The following TRAPPC9 variants were observed in gnomAD, a reference collection of about 807,000 sequenced individuals.
TRAPPC9 encodes IKK2 binding protein.
TRAPPC9 carries 83 observed loss-of-function variants against 124.0 expected under a neutral mutation model. That is an observed-to-expected ratio of 0.67 (90% CI 0.56 to 0.80). The LOEUF is 0.80. TRAPPC9 is among the 30% of genes least tolerant of loss of function. The probability of loss-of-function intolerance (pLI) is 0.00; values close to 1 mark genes in which losing one functional copy is unlikely to be tolerated. For missense variants in TRAPPC9, 1,302 were observed against 1,508.3 expected (o/e 0.86, Z 2.27); for synonymous variants, 638 against 617.5 (o/e 1.03, Z -0.49).
chr8:140,126,600 T>C (rs1353982450), intron 17 of TRAPPC9, among the ~76,000 whole-genome samples: 1 of 152,242 alleles, frequency 6.6e-6, no homozygotes, highest in East Asian at 1.9e-4. Flanking sequence ...ACATCATCTG[T>C]CACAACAGCA....
At chr8:140,276,277 A>T (rs565491979) in intron 14 of TRAPPC9, among the ~76,000 whole-genome samples, 9 of 152,368 alleles carry the variant, frequency 5.9e-5, no homozygotes, top group African/African-American at 2.2e-4. Flanking sequence ...CTGCTAACAT[A>T]GAGCTGAGGC....
rs7829110 is a variant in TRAPPC9, at chr8:140,229,257, T to C, written c.2432-7674A>G. ...TTCCGTATGTTTTCTTTTTCTTTTT[T>C]TTTTTTTTTTTTTTTTTTTTTTTTT... On this transcript the variant is annotated intron_variant, in intron 16 of 22. Transcript: ENST00000438773. 7.3e-4 allele frequency among the ~76,000 whole-genome samples: 16 copies of C among 21,844 alleles called. No individual in the cohort carries two copies. In the Admixed American group the frequency reaches 0.011, roughly 14 times the overall value. The allele number at this position is 21,844 out of a possible 152,430, so 14.3% of individuals were successfully genotyped here.
intron 17 of TRAPPC9, among the ~76,000 whole-genome samples, chr8:140,061,778 C>T (rs1334196064): frequency 8.5e-5 from 13 of 152,194 alleles, no homozygotes; most frequent in Non-Finnish European, 5.9e-5. Flanking sequence ...TCAGGGCCCA[C>T]GTTGGGAAGG....
intron 19 of TRAPPC9, among the ~76,000 whole-genome samples, chr8:139,977,812 C>A (rs1836587638): frequency 6.6e-6 from 1 of 151,646 alleles, no homozygotes; most frequent in Non-Finnish European, 1.5e-5. Flanking sequence ...TCCCGAATAG[C>A]TGAGATTACA....
At chr8:140,096,176 A>G (rs979526690) in intron 17 of TRAPPC9, 8 of 152,362 alleles carry the variant, frequency 5.3e-5, no homozygotes, top group Admixed American at 2.6e-4. Flanking sequence ...AAGACAATAA[A>G]TTAGCAGTGT....
chr8:140,034,173 T>C (rs1343622251), intron 17 of TRAPPC9, among the ~76,000 whole-genome samples: 1 of 152,238 alleles, frequency 6.6e-6, no homozygotes, highest in Admixed American at 6.5e-5. Flanking sequence ...AACACAAGAC[T>C]TGGCACAAAG....
chr8:140,442,165 G>A (rs2071039612), intron 2 of TRAPPC9, among the ~76,000 whole-genome samples: 1 of 152,096 alleles, frequency 6.6e-6, no homozygotes, highest in Non-Finnish European at 1.5e-5. Context: ...TACATAACTT[G>A]TTTTTAAAAG....
At chr8:139,763,129 T>C (rs1346032476) in intron 21 of TRAPPC9, among the ~76,000 whole-genome samples, 2 of 152,220 alleles carry the variant, frequency 1.3e-5, no homozygotes, top group Admixed American at 6.5e-5. Flanking sequence ...AGGTGCTAGA[T>C]ACAGCAATAG....
intron 19 of TRAPPC9, among the ~76,000 whole-genome samples, chr8:139,985,962 C>T (rs1335997666): frequency 6.6e-6 from 1 of 152,274 alleles, no homozygotes; most frequent in Non-Finnish European, 1.5e-5. Flanking sequence ...AAAAGACTCT[C>T]GGCCAGGCCT....
intron 21 of TRAPPC9, among the ~76,000 whole-genome samples, chr8:139,863,717 C>T (rs1254676856): frequency 1.3e-5 from 2 of 152,242 alleles, no homozygotes; most frequent in South Asian, 2.1e-4. Flanking sequence ...ATGCTCAACA[C>T]GTCAACGTGG....
At chr8:140,119,465 T>C (rs79989368) in intron 17 of TRAPPC9, among the ~76,000 whole-genome samples, 1,935 of 152,296 alleles carry the variant, frequency 0.013, 38 homozygotes, top group African/African-American at 0.043. Context: ...CCGTGAGTTT[T>C]GGAGAAACTC....
intron 5 of TRAPPC9, among the ~76,000 whole-genome samples, chr8:140,422,614 C>A (rs1451059753): frequency 6.6e-6 from 1 of 151,656 alleles, no homozygotes; most frequent in Non-Finnish European, 1.5e-5. Flanking sequence ...ATTAGCCGGG[C>A]GTGGTGGCAT....
intron 17 of TRAPPC9, among the ~76,000 whole-genome samples, chr8:140,176,242 T>C (rs968450459): frequency 3.9e-5 from 6 of 152,198 alleles, no homozygotes; most frequent in Admixed American, 1.3e-4. Flanking sequence ...AACGTACTGG[T>C]GTATCCACTT....
intron 5 of TRAPPC9, among the ~76,000 whole-genome samples, chr8:140,412,370 A>C (rs543222425): frequency 1.6e-4 from 25 of 152,366 alleles, no homozygotes; most frequent in African/African-American, 5.8e-4. Flanking sequence ...AAGTGCCATA[A>C]ACACTAAATG....
At chr8:140,420,660 G>C (rs2070169842) in intron 5 of TRAPPC9, among the ~76,000 whole-genome samples, 3 of 151,406 alleles carry the variant, frequency 2.0e-5, no homozygotes, top group African/African-American at 2.4e-5. Context: ...TTTGTTACAT[G>C]TATAAGTTAT....
intron 7 of TRAPPC9, among the ~76,000 whole-genome samples, chr8:140,374,676 T>C (rs1307385791): frequency 6.6e-6 from 1 of 152,158 alleles, no homozygotes; most frequent in African/African-American, 2.4e-5. Context: ...GCACCCACTA[T>C]GTGCCAGACA....
At chr8:139,965,743 A>T (rs954185069) in intron 19 of TRAPPC9, among the ~76,000 whole-genome samples, 6 of 152,270 alleles carry the variant, frequency 3.9e-5, no homozygotes, top group African/African-American at 1.4e-4. Context: ...ATTACTTTTA[A>T]AAAGCAGAGA....
chr8:140,099,539 G>C (rs993261756), intron 17 of TRAPPC9: 2 of 149,316 alleles, frequency 1.3e-5, no homozygotes, highest in African/African-American at 2.5e-5. Context: ...CGTTCGCCCA[G>C]ATCCTCCGCA....
chr8:139,780,110 G>A (rs1259344517), intron 21 of TRAPPC9, among the ~76,000 whole-genome samples: 1 of 152,172 alleles, frequency 6.6e-6, no homozygotes, highest in African/African-American at 2.4e-5. Flanking sequence ...ATTATCTATA[G>A]ATTTAATGCA....
Sources: gnomAD v4.1 joint callset for allele counts (sites outside exome capture counted in the v4.1 genomes callset) on GRCh38, gnomAD v4.1.1 for gene constraint, MANE v1.5 for transcripts, NCBI Gene and HGNC (gene_info 2026-07-23, HGNC 2026-07-21) for gene names.